The following P2RY12 variants were observed in gnomAD, a reference collection of about 807,000 sequenced individuals.
P2RY12 encodes purinergic receptor P2Y12, also known as P2Y purinoceptor 12.
Under a neutral mutation model 4.5 loss-of-function variants are expected in P2RY12, and 3 were observed. The ratio of observed to expected loss-of-function variants is 0.67; its 90% CI spans 0.31 to 1.74. The LOEUF is 1.74. Among genes scored for constraint, P2RY12 ranks in the 40% most tolerant of loss-of-function variants. The pLI is 0.09. For missense variants in P2RY12, 356 were observed against 407.8 expected (o/e 0.87, Z 1.09); for synonymous variants, 148 against 154.1 (o/e 0.96, Z 0.29).
intron 1 of P2RY12, among the ~76,000 whole-genome samples, chr3:151,377,745 GA>G (rs775669748): frequency 2.0e-5 from 3 of 152,154 alleles, no homozygotes; most frequent in South Asian, 2.1e-4. Flanking sequence ...TAATTAGAGA[GA>G]GGGGGTCATC....
At chr3:151,378,926 T>C (rs1280167379) in intron 1 of P2RY12, among the ~76,000 whole-genome samples, 1 of 152,244 alleles carries the variant, frequency 6.6e-6, no homozygotes, top group East Asian at 1.9e-4. Flanking sequence ...TTAAAATTCT[T>C]ATAGCAATCA....
intron 2 of P2RY12, 99 bp downstream of exon 2, chr3:151,340,497 A>G (rs1751674249): frequency 6.6e-6 from 1 of 152,614 alleles, no homozygotes; most frequent in East Asian, 1.9e-4. Flanking sequence ...ATTGATAGTT[A>G]TTAAGGTTTA....
At position 151,379,341 on chromosome 3, in the gene P2RY12, A is replaced by G. The variant is rs138560213; in HGVS notation, c.-180+5351T>C. On this transcript the variant is annotated intron_variant, in intron 1 of 2. Transcript: ENST00000302632. Reference sequence around the variant, plus strand: ...GCCCATGGAGAATAATGCTGATTGAAATATTTTGGCCTAGGTCTCATTTTA... The same window carrying G: ...GCCCATGGAGAATAATGCTGATTGAGATATTTTGGCCTAGGTCTCATTTTA... 7.0e-3 allele frequency among the ~76,000 whole-genome samples: 1,070 copies of G among 152,348 alleles called. 9 individuals carry two copies. Among genetic ancestry groups the G allele is most frequent in the Non-Finnish European group, 0.01 (714 of 68,032 alleles).
intron 1 of P2RY12, chr3:151,355,305 G>A: frequency 9.3e-7 from 1 of 1,080,830 alleles, no homozygotes; most frequent in South Asian, 1.4e-5. Flanking sequence ...TTTTTTTCAT[G>A]CAGTATATTT....
At position 151,337,185 on chromosome 3, in the gene P2RY12, T is replaced by C. The variant is rs1329620953; in HGVS notation, c.*632A>G. ...TTAATGACTTCGATATTTCTTCTCT[T>C]TATTGTAAAGGTCTTCTTTAAATCT... On this transcript the variant is annotated 3_prime_UTR_variant, in exon 3 of 3. Coordinates refer to ENST00000302632, the MANE Select transcript of P2RY12 (RefSeq NM_022788.5). The C allele has an allele frequency of 6.6e-6, 1 of 152,136 alleles. No individual in the cohort carries two copies. The highest frequency in any genetic ancestry group is 1.5e-5 in the Non-Finnish European group (1 of 68,022). 9.4% of individuals were successfully genotyped at this position (152,136 alleles called of 1,614,324 possible). A position where few individuals can be genotyped will look rare whatever the true frequency, so the allele number is the denominator to read the frequency against.
At chr3:151,354,137 T>A (rs1753625022) in intron 1 of P2RY12, among the ~76,000 whole-genome samples, 1 of 47,772 alleles carries the variant, frequency 2.1e-5, no homozygotes, top group Non-Finnish European at 3.6e-5. Flanking sequence ...CGAGACTCCG[T>A]CTCAAAAAAA....
At chr3:151,355,181 C>T in intron 1 of P2RY12, 1 of 1,613,990 alleles carries the variant, frequency 6.2e-7, no homozygotes, top group East Asian at 2.2e-5. Context: ...ACACTGGAGA[C>T]TGTGTTCACT....
At chr3:151,348,525 C>T (rs182026123) in intron 1 of P2RY12, among the ~76,000 whole-genome samples, 20 of 150,976 alleles carry the variant, frequency 1.3e-4, no homozygotes, top group Non-Finnish European at 2.7e-4. Context: ...GAGAGGTACT[C>T]AGGATATTAA....
Position 151,373,560 on chromosome 3 carries a change from G to T in P2RY12, c.-180+11132C>A, listed in dbSNP as rs1356184501. ...TTACTATGATGGTTGCAAAATGGTG[G>T]TTTTTTTTTTTCCCCAACTTCTCCT... On this transcript the variant is annotated intron_variant, in intron 1 of 2. Coordinates refer to ENST00000302632, the MANE Select transcript of P2RY12 (RefSeq NM_022788.5). 4.3e-3 allele frequency among the ~76,000 whole-genome samples: 621 copies of T among 145,868 alleles called. 4 individuals carry two copies. Among genetic ancestry groups the T allele is most frequent in the African/African-American group, 0.013 (539 of 39,978 alleles).
chr3:151,380,479 C>T (rs575532656), intron 1 of P2RY12, among the ~76,000 whole-genome samples: 9 of 151,926 alleles, frequency 5.9e-5, no homozygotes, highest in Non-Finnish European at 8.8e-5. Flanking sequence ...CGCCTATGAT[C>T]CCAGCTACTC....
At chr3:151,380,238 T>C (rs1199254595) in intron 1 of P2RY12, 1 of 1,486,512 alleles carries the variant, frequency 6.7e-7, no homozygotes, top group East Asian at 2.3e-5. Context: ...AAGTATAGTA[T>C]AATATTAAGA....
Position 151,372,733 on chromosome 3 carries a change from C to T in P2RY12, c.-180+11959G>A, listed in dbSNP as rs967367608. On this transcript the variant is annotated intron_variant, in intron 1 of 2. Transcript: ENST00000302632. ...TAGAAACTGCCAATTTAAGAGAATA[C>T]GCTAGATATGTACTGAGGACTATCT... 18 of 1,613,616 alleles carry T rather than the reference C, an allele frequency of 1.1e-5. No individual in the cohort carries two copies. The highest frequency in any genetic ancestry group is 1.6e-4 in the Middle Eastern group (1 of 6,080).
chr3:151,353,379 A>G (rs899865345), intron 1 of P2RY12, among the ~76,000 whole-genome samples: 2 of 152,234 alleles, frequency 1.3e-5, no homozygotes, highest in Non-Finnish European at 2.9e-5. Context: ...AATTTCATAC[A>G]TAATTTGTAC....
In P2RY12 at chr3:151,368,010, A is replaced by G. The variant is rs1755501452; in HGVS notation, c.-180+16682T>C. The G allele has an allele frequency of 3.6e-6, 3 of 833,202 alleles. No homozygotes were observed. The South Asian group carries it at 5.6e-5, about 15-fold the overall frequency. The allele number at this position is 833,202 out of a possible 1,614,324, so 51.6% of individuals were successfully genotyped here. A position where few individuals can be genotyped will look rare whatever the true frequency, so the allele number is the denominator to read the frequency against. On this transcript the variant is annotated intron_variant, in intron 1 of 2. Transcript: ENST00000302632. ...AAGGAAGCACCAAGATTTCTCAGAA[A>G]AATAGCCAGGGCCTTATTTTCTTAC...
intron 1 of P2RY12, among the ~76,000 whole-genome samples, chr3:151,366,270 A>G (rs962554000): frequency 4.6e-5 from 7 of 152,142 alleles, no homozygotes; most frequent in Non-Finnish European, 7.4e-5. Flanking sequence ...TTTCTTCCAT[A>G]TGGATGGTCT....
intron 1 of P2RY12, among the ~76,000 whole-genome samples, chr3:151,348,639 T>C (rs554464596): frequency 2.0e-5 from 3 of 151,122 alleles, no homozygotes; most frequent in African/African-American, 7.3e-5. Context: ...GGGTGGGGAA[T>C]AGATAGATTG....
chr3:151,375,525 T>TA (rs1560097030), intron 1 of P2RY12, among the ~76,000 whole-genome samples: 2 of 152,108 alleles, frequency 1.3e-5, no homozygotes, highest in South Asian at 2.1e-4. Flanking sequence ...AATTATTGTA[T>TA]AAAAAAGAGA....
At chr3:151,343,373 A>G (rs1328626385) in intron 1 of P2RY12, among the ~76,000 whole-genome samples, 1 of 152,212 alleles carries the variant, frequency 6.6e-6, no homozygotes, top group Non-Finnish European at 1.5e-5. Flanking sequence ...TTTGAGGGAT[A>G]AAAGAAGGGC....
At chr3:151,383,749 GC>G (rs1465020208) in intron 1 of P2RY12, 1 of 1,429,852 alleles carries the variant, frequency 7.0e-7, no homozygotes, top group Non-Finnish European at 9.8e-7. Flanking sequence ...TTTACAGAAT[GC>G]AAATATCTTA....
Sources: gnomAD v4.1 joint callset for allele counts (sites outside exome capture counted in the v4.1 genomes callset) on GRCh38, gnomAD v4.1.1 for gene constraint, MANE v1.5 for transcripts, NCBI Gene and HGNC (gene_info 2026-07-23, HGNC 2026-07-21) for gene names.